The following NSG2 variants were observed in gnomAD, a reference collection of about 807,000 sequenced individuals.
The protein encoded by NSG2 is neuronal vesicle trafficking-associated protein 2.
NSG2 carries 4 observed loss-of-function variants against 16.9 expected under a neutral mutation model. That is an observed-to-expected ratio of 0.24 (90% CI 0.12 to 0.54). NSG2 has a LOEUF of 0.54. Among genes scored for constraint, NSG2 ranks in the 20% least tolerant of loss-of-function variants. NSG2 has a pLI of 0.95. For missense variants in NSG2, 179 were observed against 221.1 expected (o/e 0.81, Z 1.21); for synonymous variants, 98 against 88.7 (o/e 1.11, Z -0.59).
At chr5:174,097,383 C>G (rs1760814059) in intron 3 of NSG2, among the ~76,000 whole-genome samples, 1 of 151,692 alleles carries the variant, frequency 6.6e-6, no homozygotes, top group Non-Finnish European at 1.5e-5. Context: ...GCAGGTGCTT[C>G]CGTGCACCAC....
intron 3 of NSG2, among the ~76,000 whole-genome samples, chr5:174,080,512 C>CTCTCTCTCT (rs1561668573): frequency 7.5e-5 from 7 of 93,562 alleles, no homozygotes; most frequent in Non-Finnish European, 9.0e-5. Flanking sequence ...TCTTTCTTTC[C>CTCTCTCTCT]CTCTTTCTTT....
chr5:174,095,042 C>T (rs1319966416), intron 3 of NSG2, among the ~76,000 whole-genome samples: 1 of 152,180 alleles, frequency 6.6e-6, no homozygotes, highest in Non-Finnish European at 1.5e-5. Flanking sequence ...GAAGGCTTCT[C>T]AGAGGAGGTG....
intron 3 of NSG2, among the ~76,000 whole-genome samples, chr5:174,068,954 A>G: frequency 6.7e-6 from 1 of 148,578 alleles, no homozygotes; most frequent in East Asian, 2.0e-4. Context: ...GGTGCTGTGG[A>G]AGGTGCTAGT....
chr5:174,051,699 A>T (rs778317624), intron 2 of NSG2, among the ~76,000 whole-genome samples: 1 of 152,276 alleles, frequency 6.6e-6, no homozygotes. Context: ...TGGAGCTTCC[A>T]GTCCAATGAG....
chr5:174,060,237 C>T (rs930166438), intron 2 of NSG2, among the ~76,000 whole-genome samples: 2 of 152,070 alleles, frequency 1.3e-5, no homozygotes, highest in African/African-American at 2.4e-5. Flanking sequence ...CCTGTCTCAA[C>T]ATGTTGGTTA....
chr5:174,080,763 A>T (rs1318578776), intron 3 of NSG2, among the ~76,000 whole-genome samples: 8 of 152,022 alleles, frequency 5.3e-5, no homozygotes, highest in Admixed American at 5.2e-4. Context: ...GGGTTTTACC[A>T]TATTGGCCAG....
rs1220638143 is a variant in NSG2, at chr5:174,046,814, A to T, written c.59A>T (p.Asp20Val). The T allele has an allele frequency of 1.9e-6, 3 of 1,614,124 alleles. No homozygotes were observed. The African/African-American group carries it at 4.0e-5, about 22-fold the overall frequency. The change falls in exon 2 of 5, where the codon GAT becomes GTT. Residue 20 changes from aspartate to valine, a missense_variant. Coordinates refer to ENST00000303177, the MANE Select transcript of NSG2 (RefSeq NM_015980.5). ...EKGTKPPSVE[D>V]GFQTVPLITP... ...GGAACCAAGCCGCCTTCAGTTGAGG[A>T]TGGCTTCCAGACCGTCCCTCTCATC...
At position 174,072,300 on chromosome 5, in the gene NSG2, T is replaced by C. The variant is rs1760258073; in HGVS notation, c.213+7985T>C. ...CTCCATTGCTTACCTGCCTCTCCCA[T>C]AGGTGCATCCACCTCCCAGAAGCAG... On this transcript the variant is annotated intron_variant, in intron 3 of 4. Transcript: ENST00000303177. The surrounding 1 kb of genome is among the most constrained non-coding windows in gnomAD (Gnocchi z 4.0). 6.6e-6 allele frequency among the ~76,000 whole-genome samples: 1 copy of C among 152,224 alleles called. No individual in the cohort carries two copies. Among genetic ancestry groups the C allele is most frequent in the Non-Finnish European group, 1.5e-5 (1 of 68,036 alleles).
At chr5:174,047,717 G>T (rs550059882) in intron 2 of NSG2, among the ~76,000 whole-genome samples, 1 of 152,326 alleles carries the variant, frequency 6.6e-6, no homozygotes, top group East Asian at 1.9e-4. Context: ...AGTAGTCCAT[G>T]AAGAATGGAG....
At chr5:174,074,316 G>A (rs764150251) in intron 3 of NSG2, among the ~76,000 whole-genome samples, 5 of 152,304 alleles carry the variant, frequency 3.3e-5, no homozygotes, top group African/African-American at 9.6e-5. Flanking sequence ...CTCGATAAAC[G>A]TGAGCTTCCT....
chr5:174,094,474 G>A (rs1459910149), intron 3 of NSG2, among the ~76,000 whole-genome samples: 1 of 152,118 alleles, frequency 6.6e-6, no homozygotes, highest in Non-Finnish European at 1.5e-5. Context: ...AAGAAAAAGG[G>A]GCTCAGAGAG....
chr5:174,084,295 A>G (rs545283202), intron 3 of NSG2: 1 of 152,236 alleles, frequency 6.6e-6, no homozygotes, highest in Non-Finnish European at 1.5e-5. Context: ...TCATTTCTGG[A>G]AAAAGAGGAA....
intron 2 of NSG2, among the ~76,000 whole-genome samples, chr5:174,063,468 T>C (rs1184209312): frequency 6.6e-6 from 1 of 152,090 alleles, no homozygotes; most frequent in Non-Finnish European, 1.5e-5. Flanking sequence ...CAAATCAAAT[T>C]GGAATTAAGT....
At chr5:174,103,425 G>C (rs1760930616) in intron 3 of NSG2, among the ~76,000 whole-genome samples, 1 of 152,152 alleles carries the variant, frequency 6.6e-6, no homozygotes, top group African/African-American at 2.4e-5. Context: ...GCAGGTTTGA[G>C]TTGGGAGGAG....
At chr5:174,104,953 C>G (rs1357896990) in intron 4 of NSG2, among the ~76,000 whole-genome samples, 3 of 152,052 alleles carry the variant, frequency 2.0e-5, no homozygotes, top group African/African-American at 7.3e-5. Flanking sequence ...TAACAAAGGG[C>G]CTATTAGATA....
intron 4 of NSG2, among the ~76,000 whole-genome samples, chr5:174,106,137 G>T (rs1443071904): frequency 6.6e-6 from 1 of 152,168 alleles, no homozygotes; most frequent in Non-Finnish European, 1.5e-5. Context: ...TATTGTTTTG[G>T]AAAGAAATTC....
At chr5:174,063,291 C>A (rs1334066721) in intron 2 of NSG2, among the ~76,000 whole-genome samples, 1 of 152,168 alleles carries the variant, frequency 6.6e-6, no homozygotes, top group African/African-American at 2.4e-5. Context: ...GTTTCTTTTT[C>A]TTTCACTTTG....
Position 174,107,533 on chromosome 5 carries a change from G to A in NSG2, c.*28G>A, listed in dbSNP as rs757164713. 1.1e-5 allele frequency: 17 copies of A among 1,581,616 alleles called. No homozygotes were observed. The highest frequency in any genetic ancestry group is 7.9e-5 in the South Asian group (7 of 88,086). ...GCCTGCCCCAGCCAGAATGGGGGGC[G>A]GGGTGGAGAGGAGGACCCCCATTGG... On this transcript the variant is annotated 3_prime_UTR_variant, in exon 5 of 5. Coordinates refer to ENST00000303177, the MANE Select transcript of NSG2 (RefSeq NM_015980.5). This position sits in a 1 kb window ranked among gnomAD's most constrained non-coding sequence, Gnocchi z 4.5.
intron 2 of NSG2, among the ~76,000 whole-genome samples, chr5:174,054,978 A>G (rs17076789): frequency 0.02 from 2,975 of 152,340 alleles, 102 homozygotes; most frequent in African/African-American, 0.068. Context: ...AATGTTTATC[A>G]TAGTGTCTAG....
Sources: gnomAD v4.1 joint callset for allele counts (sites outside exome capture counted in the v4.1 genomes callset) on GRCh38, gnomAD v4.1.1 for gene constraint, Gnocchi (gnomAD v3.1) non-coding constraint, MANE v1.5 for transcripts, NCBI Gene and HGNC (gene_info 2026-07-23, HGNC 2026-07-21) for gene names.